The following TNFSF4 variants were observed in gnomAD, a reference collection of about 807,000 sequenced individuals.
TNFSF4 encodes the protein tumor necrosis factor ligand superfamily member 4.
A neutral mutation model predicts 7.3 loss-of-function variants in TNFSF4; 4 were observed. The observed-to-expected ratio is 0.55, with a 90% CI of 0.27 to 1.25. TNFSF4 has a LOEUF of 1.25. Ranked by LOEUF, TNFSF4 falls within the 50% of genes most tolerant of loss-of-function variation. TNFSF4 has a pLI of 0.12. For synonymous variants in TNFSF4, 76 were observed against 83.7 expected (o/e 0.91, Z 0.50); for missense variants, 181 against 208.8 (o/e 0.87, Z 0.82).
At chr1:173,449,349 C>CT in the TNFSF4 span, among the ~76,000 whole-genome samples, 179 of 121,772 alleles carry the variant, frequency 1.5e-3, no homozygotes, top group Non-Finnish European at 1.5e-3. Flanking sequence ...TTCTTTCTTT[C>CT]TTTTTTTTTT....
the TNFSF4 span, among the ~76,000 whole-genome samples, chr1:173,227,150 A>G: frequency 6.6e-6 from 1 of 151,196 alleles, no homozygotes; most frequent in Non-Finnish European, 1.5e-5. Context: ...CAAGCTTTAA[A>G]TTTCATAAAT....
chr1:173,273,639 G>A, the TNFSF4 span, among the ~76,000 whole-genome samples: 1 of 151,874 alleles, frequency 6.6e-6, no homozygotes, highest in Non-Finnish European at 1.5e-5. Context: ...AATTTCAGAG[G>A]AATTACACAT....
At chr1:173,445,779 A>G in the TNFSF4 span, among the ~76,000 whole-genome samples, 1 of 152,250 alleles carries the variant, frequency 6.6e-6, no homozygotes, top group East Asian at 1.9e-4. Context: ...TCCCGGAGAT[A>G]AGAGATTAGA....
the TNFSF4 span, among the ~76,000 whole-genome samples, chr1:173,322,467 A>T: frequency 6.6e-6 from 1 of 152,184 alleles, no homozygotes; most frequent in African/African-American, 2.4e-5. Flanking sequence ...TGAGCAATAC[A>T]GAAGACGGTG....
chr1:173,264,317 CTTTTTTT>C, the TNFSF4 span, among the ~76,000 whole-genome samples: 9 of 110,524 alleles, frequency 8.1e-5, no homozygotes, highest in South Asian at 2.5e-3. Context: ...CTGGCTTCTT[CTTTTTTT>C]TTTTTTTTTT....
At chr1:173,187,473 T>C (rs924626246) in intron 2 of TNFSF4, among the ~76,000 whole-genome samples, 4 of 152,232 alleles carry the variant, frequency 2.6e-5, no homozygotes, top group African/African-American at 9.6e-5. Context: ...CCCCAGGCAT[T>C]GGACCTATCC....
At chr1:173,204,844 A>G (rs1208063873) in intron 1 of TNFSF4, among the ~76,000 whole-genome samples, 2 of 151,950 alleles carry the variant, frequency 1.3e-5, no homozygotes, top group Admixed American at 6.6e-5. Context: ...CAGCTGCTCT[A>G]CAATGTTCTC....
At chr1:173,417,060 T>G in the TNFSF4 span, among the ~76,000 whole-genome samples, 1 of 152,230 alleles carries the variant, frequency 6.6e-6, no homozygotes, top group Non-Finnish European at 1.5e-5. Flanking sequence ...TCCCAAATTG[T>G]GTCCCACGGA....
the TNFSF4 span, among the ~76,000 whole-genome samples, chr1:173,317,782 A>G: frequency 2.0e-5 from 3 of 152,218 alleles, no homozygotes; most frequent in Non-Finnish European, 2.9e-5. Context: ...TAAAGTATCA[A>G]TAGGATTTTT....
At chr1:173,203,474 T>A (rs1650038881) in intron 1 of TNFSF4, among the ~76,000 whole-genome samples, 1 of 152,198 alleles carries the variant, frequency 6.6e-6, no homozygotes, top group Non-Finnish European at 1.5e-5. Flanking sequence ...TCTAAAAACT[T>A]TCTAAATGAC....
intron 1 of TNFSF4, chr1:173,205,473 C>G: frequency 6.6e-7 from 1 of 1,516,544 alleles, no homozygotes; most frequent in South Asian, 1.3e-5. Context: ...GCAAGCTGTA[C>G]AACTGTGGTT....
the TNFSF4 span, among the ~76,000 whole-genome samples, chr1:173,284,549 C>T: frequency 6.6e-6 from 1 of 152,126 alleles, no homozygotes; most frequent in African/African-American, 2.4e-5. Context: ...CTGTCATAGC[C>T]AGAGAGGAGA....
the TNFSF4 span, among the ~76,000 whole-genome samples, chr1:173,405,775 C>T: frequency 6.6e-6 from 1 of 152,248 alleles, no homozygotes; most frequent in Non-Finnish European, 1.5e-5. Context: ...ACATCTCATG[C>T]ATCTCACATT....
the TNFSF4 span, among the ~76,000 whole-genome samples, chr1:173,274,131 A>G: frequency 6.6e-6 from 1 of 150,392 alleles, no homozygotes; most frequent in Non-Finnish European, 1.5e-5. Flanking sequence ...TCATACACAC[A>G]CACACACACA....
chr1:173,297,538 C>T, the TNFSF4 span, among the ~76,000 whole-genome samples: 3 of 151,924 alleles, frequency 2.0e-5, no homozygotes, highest in Admixed American at 2.0e-4. Flanking sequence ...TTATCCTGGC[C>T]ACTCATCAGC....
At chr1:173,321,857 CT>C in the TNFSF4 span, among the ~76,000 whole-genome samples, 8 of 152,280 alleles carry the variant, frequency 5.3e-5, no homozygotes, top group South Asian at 2.1e-4. Flanking sequence ...TGCTTTTACA[CT>C]CTTGGTAGGA....
the TNFSF4 span, among the ~76,000 whole-genome samples, chr1:173,422,953 T>C: frequency 6.8e-6 from 1 of 146,902 alleles, no homozygotes; most frequent in South Asian, 2.2e-4. Context: ...TGTTACATGT[T>C]ACATACATAT....
chr1:173,257,808 A>G, the TNFSF4 span, among the ~76,000 whole-genome samples: 2 of 152,158 alleles, frequency 1.3e-5, no homozygotes, highest in Non-Finnish European at 2.9e-5. Context: ...CCAGAGTTTT[A>G]TTGGGATTTA....
At chr1:173,298,551 C>T in the TNFSF4 span, among the ~76,000 whole-genome samples, 1 of 151,874 alleles carries the variant, frequency 6.6e-6, no homozygotes, top group Non-Finnish European at 1.5e-5. Flanking sequence ...CTGCCTCATT[C>T]CCTCTGTTTG....
Sources: allele counts gnomAD v4.1 joint callset (sites outside exome capture counted in the v4.1 genomes callset), GRCh38; gene constraint gnomAD v4.1.1; transcripts MANE v1.5; gene names NCBI Gene and HGNC (gene_info 2026-07-23, HGNC 2026-07-21).